Variants in RGS6 observed in about 807,000 individuals in gnomAD.
RGS6 encodes the protein regulator of G protein signaling 6.
In RGS6, 30 loss-of-function variants were observed where a neutral mutation model predicts 78.5. The observed-to-expected ratio is 0.38, with a 90% CI of 0.29 to 0.52. The LOEUF is 0.52. Among genes scored for constraint, RGS6 ranks in the 20% least tolerant of loss-of-function variants. The pLI, the probability that RGS6 is intolerant of heterozygous loss-of-function variation, is 0.85. For synonymous variants in RGS6, 206 were observed against 206.0 expected, an observed-to-expected ratio of 1.00 and a Z score of 0.00; for missense variants, 495 against 609.7, an observed-to-expected ratio of 0.81 and a Z score of 1.98.
the RGS6 span, among the ~76,000 whole-genome samples, chr14:72,624,885 G>C: frequency 1.3e-5 from 2 of 152,116 alleles, no homozygotes; most frequent in African/African-American, 4.8e-5. Flanking sequence ...AAGTAATGTT[G>C]TGCCCTTCTT....
Position 72,565,974 on chromosome 14 carries a change from G to T in RGS6, c.*3507G>T, listed in dbSNP as rs1282184613. The T allele has an allele frequency of 1.3e-5, 2 of 152,202 alleles. No homozygotes were observed. The highest frequency in any genetic ancestry group is 2.9e-5 in the Non-Finnish European group (2 of 68,106). 9.4% of individuals were successfully genotyped at this position (152,202 alleles called of 1,614,324 possible). A position where few individuals can be genotyped will look rare whatever the true frequency, so the allele number is the denominator to read the frequency against. ...CTGGGAAACTCTGGGCTCGGGGGGA[G>T]ATAATGCACCACCAGCCTCAAAAAG... On this transcript the variant is annotated 3_prime_UTR_variant, in exon 18 of 18. Transcript: ENST00000553525.
the RGS6 span, among the ~76,000 whole-genome samples, chr14:72,595,804 T>C: frequency 6.6e-6 from 1 of 152,224 alleles, no homozygotes; most frequent in Non-Finnish European, 1.5e-5. Context: ...ACATTTACCC[T>C]TTTCCACACC....
At chr14:72,150,992 T>C (rs1336189355) in intron 2 of RGS6, among the ~76,000 whole-genome samples, 1 of 152,204 alleles carries the variant, frequency 6.6e-6, no homozygotes. Context: ...GAGTAGAGCA[T>C]ATTTTCTTCA....
chr14:72,054,797 A>G (rs1411944431), intron 2 of RGS6, among the ~76,000 whole-genome samples: 1 of 152,112 alleles, frequency 6.6e-6, no homozygotes. Context: ...TCACCCCTAC[A>G]TATCTACATG....
intron 3 of RGS6, among the ~76,000 whole-genome samples, chr14:72,417,442 G>A (rs557554097): frequency 9.8e-5 from 15 of 152,298 alleles, no homozygotes; most frequent in Non-Finnish European, 1.9e-4. Flanking sequence ...GCATTATGCT[G>A]GGAAGGTGTA....
intron 2 of RGS6, among the ~76,000 whole-genome samples, chr14:72,278,033 A>G (rs1321342425): frequency 6.6e-6 from 1 of 152,234 alleles, no homozygotes; most frequent in Non-Finnish European, 1.5e-5. Context: ...CCATGAAAGT[A>G]AAGGACAGTG....
chr14:72,550,458 A>AAGAC, intron 17 of RGS6: 1 of 1,535,570 alleles, frequency 6.5e-7, no homozygotes, highest in Admixed American at 2.0e-5. Context: ...CTAACAGGAA[A>AAGAC]AGACAGACTG....
intron 2 of RGS6, among the ~76,000 whole-genome samples, chr14:72,226,078 ATTTTCAC>A (rs2153801362): frequency 6.6e-6 from 1 of 152,294 alleles, no homozygotes; most frequent in South Asian, 2.1e-4. Flanking sequence ...TTTAGATGTA[ATTTTCAC>A]TTTTCACTTT....
At chr14:72,478,213 G>C in intron 11 of RGS6, 55 bp from the exon 12 acceptor site, 2 of 1,368,228 alleles carry the variant, frequency 1.5e-6, no homozygotes, top group Non-Finnish European at 2.1e-6. Flanking sequence ...TGTGGAGCGA[G>C]GGGAAAAAAA....
At chr14:72,610,407 G>T in the RGS6 span, among the ~76,000 whole-genome samples, 1 of 152,166 alleles carries the variant, frequency 6.6e-6, no homozygotes, top group Non-Finnish European at 1.5e-5. Flanking sequence ...TTCACAAATG[G>T]AGGCGCCCTC....
the RGS6 span, among the ~76,000 whole-genome samples, chr14:72,623,788 A>G: frequency 6.6e-6 from 1 of 152,234 alleles, no homozygotes; most frequent in Non-Finnish European, 1.5e-5. Flanking sequence ...ACAATGACTA[A>G]CAGCAAAATT....
At chr14:72,501,169 G>T (rs1029250985) in intron 13 of RGS6, among the ~76,000 whole-genome samples, 5 of 152,124 alleles carry the variant, frequency 3.3e-5, no homozygotes, top group African/African-American at 1.2e-4. Context: ...CAGGGCCCAG[G>T]ATGTCACCGA....
intron 2 of RGS6, among the ~76,000 whole-genome samples, chr14:72,161,163 T>C (rs1436166098): frequency 6.6e-6 from 1 of 152,148 alleles, no homozygotes; most frequent in African/African-American, 2.4e-5. Context: ...ACACCGCATG[T>C]TCTCACTCAT....
chr14:72,502,405 G>A (rs1251426788), intron 13 of RGS6, among the ~76,000 whole-genome samples: 7 of 152,194 alleles, frequency 4.6e-5, no homozygotes, highest in Non-Finnish European at 5.9e-5. Context: ...TCAACCCATA[G>A]GAGAGTGAAA....
chr14:72,485,057 A>G (rs749565630), intron 12 of RGS6, among the ~76,000 whole-genome samples: 4 of 151,592 alleles, frequency 2.6e-5, no homozygotes, highest in Non-Finnish European at 5.9e-5. Flanking sequence ...TGGGTAGCAC[A>G]TTTGCTAAAG....
At position 72,246,294 on chromosome 14, in the gene RGS6, G is replaced by A. The variant is rs567422028; in HGVS notation, c.85-105801G>A. On this transcript the variant is annotated intron_variant, in intron 2 of 17. Coordinates refer to ENST00000553525, the MANE Select transcript of RGS6 (RefSeq NM_001204424.2). ...GCCCTGTGATACTACCTAGTCCTAC[G>A]TTTAAAAAGTAGGTTCAAAATAAAC... Among the ~76,000 whole-genome samples the A allele has an allele frequency of 5.9e-5, 9 of 152,256 alleles. No individual in the cohort carries two copies. The South Asian group carries it at 1.7e-3, about 28-fold the overall frequency.
intron 2 of RGS6, among the ~76,000 whole-genome samples, chr14:72,332,226 C>T (rs577300839): frequency 6.6e-6 from 1 of 152,310 alleles, no homozygotes; most frequent in East Asian, 1.9e-4. Context: ...CCTCCCAGCT[C>T]CAGATGGTTC....
intron 17 of RGS6, among the ~76,000 whole-genome samples, chr14:72,544,678 G>A (rs1243675144): frequency 6.6e-6 from 1 of 152,244 alleles, no homozygotes; most frequent in Non-Finnish European, 1.5e-5. Context: ...TGCCTGCCAA[G>A]GAATGCAGCA....
intron 11 of RGS6, chr14:72,477,061 G>T: frequency 1.9e-6 from 1 of 519,976 alleles, no homozygotes; most frequent in South Asian, 2.2e-5. Flanking sequence ...TACTAGAAAA[G>T]GGCGTAAATG....
Sources: gnomAD v4.1 joint callset for allele counts (sites outside exome capture counted in the v4.1 genomes callset) on GRCh38, gnomAD v4.1.1 for gene constraint, MANE v1.5 for transcripts, NCBI Gene and HGNC (gene_info 2026-07-23, HGNC 2026-07-21) for gene names.